The following SYT16 variants were observed in gnomAD, a reference collection of about 807,000 sequenced individuals.
SYT16 encodes the protein synaptotagmin 16, also known as synaptotagmin-16.
In SYT16, 42 loss-of-function variants were observed where a neutral mutation model predicts 61.4. The observed-to-expected ratio is 0.68, with a 90% CI of 0.53 to 0.89. The LOEUF (loss-of-function observed/expected upper bound fraction) is 0.89, where lower values mean the gene tolerates loss of function less well. SYT16 is among the 40% of genes least tolerant of loss of function. The pLI, the probability that SYT16 is intolerant of heterozygous loss-of-function variation, is 0.00. For missense variants in SYT16, 804 were observed against 807.3 expected, an observed-to-expected ratio of 1.00 and a Z score of 0.05; for synonymous variants, 314 against 302.3, an observed-to-expected ratio of 1.04 and a Z score of -0.40.
chr14:62,091,576 C>T (rs1021515168), intron 7 of SYT16, among the ~76,000 whole-genome samples: 3 of 152,080 alleles, frequency 2.0e-5, no homozygotes, highest in Admixed American at 6.5e-5. Context: ...TGATTTTTGA[C>T]AAGGCTGCCG....
rs141100151 is a variant in SYT16, at chr14:61,867,690, C to A, written c.-325+54880C>A. The stretch of plus-strand genomic sequence containing the variant: ...ACATCAGCATAAGAAATATGACAGA[C>A]TTAGGAAGTGATTTAACAAGTTTGT... On this transcript the variant is annotated intron_variant, in intron 1 of 7. Coordinates refer to ENST00000683842, the MANE Select transcript of SYT16 (RefSeq NM_001367656.1). Among the ~76,000 whole-genome samples, 268 of 152,008 alleles carry A rather than the reference C, an allele frequency of 1.8e-3. 1 individual carries two copies. The highest frequency in any genetic ancestry group is 6.2e-3 in the African/African-American group (258 of 41,502).
rs114806963 is a variant in SYT16 at position 62,066,723 on chromosome 14, A to G, written c.524-2880A>G. 2.3e-3 allele frequency among the ~76,000 whole-genome samples: 344 copies of G among 152,288 alleles called. 4 individuals carry two copies. The highest frequency in any genetic ancestry group is 7.9e-3 in the African/African-American group (327 of 41,542). On this transcript the variant is annotated intron_variant, in intron 3 of 7. Transcript: ENST00000683842. Reference sequence around the variant, plus strand: ...GATGAAAAATTATTCCCCATTATTTATGGTTTCCAATTCACATTCAGCAAA... The same window carrying G: ...GATGAAAAATTATTCCCCATTATTTGTGGTTTCCAATTCACATTCAGCAAA...
intron 1 of SYT16, among the ~76,000 whole-genome samples, chr14:61,870,273 C>T (rs912963125): frequency 6.6e-6 from 1 of 152,106 alleles, no homozygotes; most frequent in Admixed American, 6.5e-5. Context: ...TTGTTCATTG[C>T]TTTAAATACG....
At chr14:61,890,327 A>C (rs1482479312) in intron 1 of SYT16, among the ~76,000 whole-genome samples, 1 of 152,152 alleles carries the variant, frequency 6.6e-6, no homozygotes, top group Non-Finnish European at 1.5e-5. Context: ...ATTGTTGAGA[A>C]GGCGCTTTGG....
intron 2 of SYT16, among the ~76,000 whole-genome samples, chr14:61,975,196 A>G (rs2051734112): frequency 6.6e-6 from 1 of 152,210 alleles, no homozygotes; most frequent in Non-Finnish European, 1.5e-5. Context: ...TAAGTTGAGG[A>G]CCATCTGTGC....
chr14:61,990,363 A>G (rs1304025412), intron 2 of SYT16, among the ~76,000 whole-genome samples: 1 of 152,234 alleles, frequency 6.6e-6, no homozygotes, highest in Non-Finnish European at 1.5e-5. Flanking sequence ...GACACTTGAA[A>G]TAAACCCATG....
At chr14:61,812,532 G>T (rs571967671), upstream of SYT16, among the ~76,000 whole-genome samples, 5 of 151,302 alleles carry the variant, frequency 3.3e-5, no homozygotes, top group South Asian at 8.3e-4. Flanking sequence ...AGGCGAGGAG[G>T]GGGAGATCCA....
intron 1 of SYT16, among the ~76,000 whole-genome samples, chr14:61,927,055 A>G (rs1369526673): frequency 1.3e-5 from 2 of 152,264 alleles, no homozygotes; most frequent in Admixed American, 6.5e-5. Flanking sequence ...CAACTCAGCA[A>G]CAGTGGTCCT....
At chr14:62,004,471 C>T (rs2053145647) in intron 3 of SYT16, among the ~76,000 whole-genome samples, 1 of 152,036 alleles carries the variant, frequency 6.6e-6, no homozygotes. Context: ...ATCCTGTAAA[C>T]AGTTGGGAAT....
chr14:62,045,421 T>A (rs2054930936), intron 3 of SYT16, among the ~76,000 whole-genome samples: 1 of 152,140 alleles, frequency 6.6e-6, no homozygotes, highest in African/African-American at 2.4e-5. Context: ...TAATGGTTGT[T>A]GGTCTGTATG....
upstream of SYT16, among the ~76,000 whole-genome samples, chr14:61,812,553 G>T (rs1275544011): frequency 1.3e-5 from 2 of 150,750 alleles, no homozygotes; most frequent in Non-Finnish European, 3.0e-5. Flanking sequence ...GCCTCTAGGC[G>T]CCGCAGCTCG....
At chr14:61,916,798 A>G (rs186427341) in intron 1 of SYT16, among the ~76,000 whole-genome samples, 24 of 152,020 alleles carry the variant, frequency 1.6e-4, no homozygotes, top group African/African-American at 5.5e-4. Flanking sequence ...CATGAGATCC[A>G]CTTTTTTTCT....
chr14:62,007,004 A>G (rs977163896), intron 3 of SYT16, among the ~76,000 whole-genome samples: 3 of 152,126 alleles, frequency 2.0e-5, no homozygotes, highest in African/African-American at 7.2e-5. Context: ...TGACTTTTCA[A>G]CCAGATTACT....
Position 61,974,343 on chromosome 14 carries a change from A to C in SYT16, c.-145+4032A>C, listed in dbSNP as rs140822306. Among the ~76,000 whole-genome samples the C allele has an allele frequency of 8.8e-3, 1,336 of 152,322 alleles. 8 individuals are homozygous for C. The highest frequency in any genetic ancestry group is 0.013 in the Admixed American group (199 of 15,298). On this transcript the variant is annotated intron_variant, in intron 2 of 7. Coordinates refer to ENST00000683842, the MANE Select transcript of SYT16 (RefSeq NM_001367656.1). Reference sequence around the variant, plus strand: ...GCTGGCTTCCTGGGCATGGAACTGCACAACTGCACAAAGCCTACACTTAGA... The same window carrying C: ...GCTGGCTTCCTGGGCATGGAACTGCCCAACTGCACAAAGCCTACACTTAGA...
intron 1 of SYT16, chr14:61,865,057 G>T: frequency 7.1e-7 from 1 of 1,400,148 alleles, no homozygotes; most frequent in East Asian, 2.3e-5. Flanking sequence ...GGAGCTGCAG[G>T]CTCGACTGTG....
chr14:62,059,962 G>A (rs1263864758), intron 3 of SYT16, among the ~76,000 whole-genome samples: 2 of 151,936 alleles, frequency 1.3e-5, no homozygotes, highest in Non-Finnish European at 2.9e-5. Context: ...TCTGTATTCT[G>A]CTTCATTGAT....
intron 3 of SYT16, among the ~76,000 whole-genome samples, chr14:62,023,517 T>C (rs2140769084): frequency 1.3e-5 from 2 of 152,300 alleles, no homozygotes; most frequent in East Asian, 3.9e-4. Flanking sequence ...CTCCCAGGAA[T>C]TTTGTCCCAG....
chr14:61,869,715 G>C (rs1717746764), intron 1 of SYT16, among the ~76,000 whole-genome samples: 1 of 151,992 alleles, frequency 6.6e-6, no homozygotes. Context: ...CAAGAGAATG[G>C]ATCCCTCATG....
intron 1 of SYT16, among the ~76,000 whole-genome samples, chr14:61,902,654 T>A (rs1179481173): frequency 6.6e-6 from 1 of 152,200 alleles, no homozygotes; most frequent in Non-Finnish European, 1.5e-5. Flanking sequence ...GCTTGTTGTA[T>A]CAGTCCATTT....
Sources: allele counts gnomAD v4.1 joint callset (sites outside exome capture counted in the v4.1 genomes callset), GRCh38; gene constraint gnomAD v4.1.1; transcripts MANE v1.5; gene names NCBI Gene and HGNC (gene_info 2026-07-23, HGNC 2026-07-21).